The following RANBP2 variants were observed in gnomAD, a reference collection of about 807,000 sequenced individuals.
RANBP2 encodes RAN binding protein 2.
RANBP2 carries 57 observed loss-of-function variants against 303.6 expected under a neutral mutation model. That is an observed-to-expected ratio of 0.19 (90% CI 0.15 to 0.23). The LOEUF (loss-of-function observed/expected upper bound fraction) is 0.23, where lower values mean the gene tolerates loss of function less well. Among genes scored for constraint, RANBP2 ranks in the 10% least tolerant of loss-of-function variants. The pLI is 1.00. For missense variants in RANBP2, 3,138 were observed against 3,780.8 expected, an observed-to-expected ratio of 0.83 and a Z score of 4.46; for synonymous variants, 1,167 against 1,301.5, an observed-to-expected ratio of 0.90 and a Z score of 2.23.
chr2:109,245,673 T>A, the RANBP2 span, among the ~76,000 whole-genome samples: 7 of 152,212 alleles, frequency 4.6e-5, 1 homozygote, highest in African/African-American at 1.7e-4. Context: ...ACTGAGACCA[T>A]ATTTGTTAAG....
At chr2:109,205,957 A>G in the RANBP2 span, among the ~76,000 whole-genome samples, 1 of 152,198 alleles carries the variant, frequency 6.6e-6, no homozygotes, top group East Asian at 1.9e-4. Context: ...AGCTCTTTGT[A>G]ACATTGAGAT....
chr2:109,670,371 G>A, the RANBP2 span, among the ~76,000 whole-genome samples: 11 of 151,628 alleles, frequency 7.3e-5, no homozygotes, highest in Non-Finnish European at 1.0e-4. Flanking sequence ...TGCCCCTGGC[G>A]GGGGGCTGGT....
the RANBP2 span, among the ~76,000 whole-genome samples, chr2:109,103,035 A>G: frequency 2.3e-4 from 35 of 152,322 alleles, 1 homozygote; most frequent in South Asian, 7.0e-3. Flanking sequence ...CTGCATAACT[A>G]AAGAAGAAGA....
chr2:109,194,757 A>G, the RANBP2 span, among the ~76,000 whole-genome samples: 725 of 152,334 alleles, frequency 4.8e-3, 7 homozygotes, highest in Non-Finnish European at 5.4e-3. Context: ...CCAATCCTGA[A>G]TGCTCAAGCT....
the RANBP2 span, among the ~76,000 whole-genome samples, chr2:108,919,359 A>T: frequency 6.6e-6 from 1 of 151,828 alleles, no homozygotes; most frequent in Non-Finnish European, 1.5e-5. Context: ...ACCGCTTTTT[A>T]TTTATTTATT....
At chr2:108,975,880 G>C in the RANBP2 span, among the ~76,000 whole-genome samples, 1 of 152,188 alleles carries the variant, frequency 6.6e-6, no homozygotes, top group South Asian at 2.1e-4. Flanking sequence ...GGTGGAAAGG[G>C]CAGGGCAAAG....
At chr2:109,323,997 C>G in the RANBP2 span, among the ~76,000 whole-genome samples, 3 of 152,214 alleles carry the variant, frequency 2.0e-5, no homozygotes, top group African/African-American at 7.2e-5. Context: ...CTGGAAAACA[C>G]TAATGTAATT....
the RANBP2 span, among the ~76,000 whole-genome samples, chr2:109,188,179 C>T: frequency 6.6e-6 from 1 of 152,214 alleles, no homozygotes; most frequent in African/African-American, 2.4e-5. Flanking sequence ...AAGAACCAGA[C>T]CTTGCTCCCT....
At chr2:109,268,297 A>T in the RANBP2 span, among the ~76,000 whole-genome samples, 3 of 151,198 alleles carry the variant, frequency 2.0e-5, no homozygotes, top group Admixed American at 6.6e-5. Flanking sequence ...TCCAGGTGGG[A>T]TTGGGGGACA....
the RANBP2 span, among the ~76,000 whole-genome samples, chr2:108,793,052 ACT>A: frequency 3.1e-5 from 4 of 129,928 alleles, no homozygotes; most frequent in Admixed American, 3.5e-4. Context: ...CGACAGAGAG[ACT>A]CTGTCTCAAA....
At chr2:109,683,171 A>C in the RANBP2 span, among the ~76,000 whole-genome samples, 1 of 151,948 alleles carries the variant, frequency 6.6e-6, no homozygotes, top group African/African-American at 2.4e-5. Context: ...AGGCCCAGCT[A>C]ATTTTTGTAT....
the RANBP2 span, among the ~76,000 whole-genome samples, chr2:109,428,852 T>C: frequency 6.6e-6 from 1 of 151,906 alleles, no homozygotes; most frequent in African/African-American, 2.4e-5. Flanking sequence ...AAGGTGAGAG[T>C]TGGGCTCAGG....
At chr2:108,805,797 A>T in the RANBP2 span, among the ~76,000 whole-genome samples, 2 of 152,144 alleles carry the variant, frequency 1.3e-5, no homozygotes, top group Non-Finnish European at 1.5e-5. Context: ...TTTGTGAGTT[A>T]TGTCTATTTT....
chr2:109,401,833 A>G, the RANBP2 span, among the ~76,000 whole-genome samples: 2 of 152,168 alleles, frequency 1.3e-5, no homozygotes, highest in Admixed American at 6.5e-5. Context: ...TCTGATGTCT[A>G]TTGGGGCTGG....
the RANBP2 span, among the ~76,000 whole-genome samples, chr2:109,105,301 A>G: frequency 7.2e-5 from 11 of 152,146 alleles, no homozygotes; most frequent in African/African-American, 2.7e-4. Context: ...AAGTGCCTCA[A>G]ATGAGCATGC....
Position 108,781,282 on chromosome 2 carries a change from A to T in RANBP2, c.8613A>T (p.Gln2871His), listed in dbSNP as rs369829153. 3 of 1,614,180 alleles carry T rather than the reference A, an allele frequency of 1.9e-6. No individual in the cohort carries two copies. The South Asian group carries it at 3.3e-5, about 18-fold the overall frequency. ...FAFGSKDKNF[Q>H]WANTGAAVFG... The stretch of plus-strand genomic sequence containing the variant: ...TTTATTCATCAGATAAAAATTTCCA[A>T]TGGGCAAATACTGGAGCAGCTGTGT... Residue 2871 changes from glutamine to histidine, a missense_variant, in exon 26 of 29, where the codon CAA (glutamine) becomes CAT (histidine). Gln to His is a conservative substitution (Grantham distance 24). Coordinates refer to ENST00000283195, the MANE Select transcript of RANBP2 (RefSeq NM_006267.5).
the RANBP2 span, among the ~76,000 whole-genome samples, chr2:109,510,840 G>A: frequency 2.0e-5 from 3 of 152,194 alleles, no homozygotes; most frequent in Non-Finnish European, 4.4e-5. Flanking sequence ...CAGGGGAAGC[G>A]GCAGAGAGCA....
At chr2:109,623,131 A>T in the RANBP2 span, among the ~76,000 whole-genome samples, 1 of 152,210 alleles carries the variant, frequency 6.6e-6, no homozygotes, top group South Asian at 2.1e-4. Flanking sequence ...TGTCTCAAAA[A>T]AGAAAACAAC....
the RANBP2 span, among the ~76,000 whole-genome samples, chr2:109,531,210 A>G: frequency 6.6e-6 from 1 of 152,158 alleles, no homozygotes; most frequent in African/African-American, 2.4e-5. Flanking sequence ...ATATCAGAGC[A>G]TCTCTCTTTT....
Sources: gnomAD v4.1 joint callset for allele counts (sites outside exome capture counted in the v4.1 genomes callset) on GRCh38, gnomAD v4.1.1 for gene constraint, MANE v1.5 for transcripts, NCBI Gene and HGNC (gene_info 2026-07-23, HGNC 2026-07-21) for gene names.